ENPP1: variants seen among roughly 807,000 people sequenced by gnomAD.
ENPP1 encodes the protein ectonucleotide pyrophosphatase/phosphodiesterase 1.
A neutral mutation model predicts 122.8 loss-of-function variants in ENPP1; 73 were observed. The observed-to-expected ratio is 0.59, with a 90% CI of 0.49 to 0.72. The LOEUF is 0.72. Among genes scored for constraint, ENPP1 ranks in the 30% least tolerant of loss-of-function variants. The pLI is 0.00. For synonymous variants in ENPP1, 367 were observed against 391.6 expected (o/e 0.94, Z 0.74); for missense variants, 978 against 1,128.1 (o/e 0.87, Z 1.91).
At chr6:131,879,014 A>G (rs899361204) in intron 19 of ENPP1, among the ~76,000 whole-genome samples, 1 of 152,236 alleles carries the variant, frequency 6.6e-6, no homozygotes, top group Non-Finnish European at 1.5e-5. Flanking sequence ...TTGACCAAAA[A>G]TCAAGGATAC....
chr6:131,860,013 C>T (rs73778350), intron 7 of ENPP1, among the ~76,000 whole-genome samples: 4,345 of 152,098 alleles, frequency 0.029, 206 homozygotes, highest in African/African-American at 0.097. Flanking sequence ...CCTTCAGCTC[C>T]CTGCAGGGTT....
Position 131,890,319 on chromosome 6 carries a change from TTTA to T in ENPP1, c.2608-20_2608-18del, listed in dbSNP as rs768023537. ...TGAGTGTTCTCTTGGTAACTTTTCT[TTTA>T]TATTTCCTATTCTCCTAGCATGGGA... On this transcript the variant is annotated intron_variant, in intron 24 of 24. Transcript: ENST00000647893. 197 of 1,608,144 alleles carry T rather than the reference TTTA, an allele frequency of 1.2e-4. No homozygotes were observed. Among genetic ancestry groups the T allele is most frequent in the Middle Eastern group, 5.0e-4 (3 of 6,052 alleles).
At position 131,872,933 on chromosome 6, in the gene ENPP1, C is replaced by G; in HGVS notation, c.1448C>G (p.Pro483Arg). 1 of 1,613,564 alleles carries G rather than the reference C, an allele frequency of 6.2e-7. No homozygotes were observed. Among genetic ancestry groups the G allele is most frequent in the Non-Finnish European group, 8.5e-7 (1 of 1,179,682 alleles). ...GIARNLSCRE[P>R]NQHFKPYLKH... ...TGTTTGCAATTTCAGTGCCGGGAAC[C>G]AAACCAGCACTTCAAACCTTACCTG... The change falls in exon 15 of 25, where the codon CCA (proline) becomes CGA (arginine). Residue 483 changes from proline to arginine, a missense_variant. Pro to Arg is a moderately radical substitution (Grantham distance 103, BLOSUM62 -2). Around this residue, in one of 3 missense-constraint regions of ENPP1, gnomAD observed 644 missense variants for 781.5 expected, o/e 0.82. Transcript: ENST00000647893.
chr6:131,847,763 T>G lies in ENPP1; in HGVS notation c.241-13T>G, dbSNP rs1479445407. ...AAAAAGAAACCATGTAATTTTCTCT[T>G]TTCTCCCTACAGGTATTGTCAGTAT... is the stretch of plus-strand genomic sequence containing the variant. On this transcript the variant is annotated splice_polypyrimidine_tract_variant and intron_variant, in intron 1 of 24. Coordinates refer to ENST00000647893, the MANE Select transcript of ENPP1 (RefSeq NM_006208.3). 1.3e-6 allele frequency: 2 copies of G among 1,583,670 alleles called. No homozygotes were observed. Among genetic ancestry groups the G allele is most frequent in the African/African-American group, 2.7e-5 (2 of 74,342 alleles).
At chr6:131,848,349 T>A (rs1212946821) in intron 2 of ENPP1, among the ~76,000 whole-genome samples, 1 of 152,190 alleles carries the variant, frequency 6.6e-6, no homozygotes, top group Non-Finnish European at 1.5e-5. Flanking sequence ...GACAAGATTA[T>A]AATAAATAAT....
At chr6:131,810,430 C>A (rs754477496) in intron 1 of ENPP1, among the ~76,000 whole-genome samples, 12 of 148,522 alleles carry the variant, frequency 8.1e-5, no homozygotes, top group Non-Finnish European at 1.2e-4. Context: ...TACTTCAATA[C>A]CTTTTTCCCC....
chr6:131,865,443 A>C (rs867086192), intron 11 of ENPP1, among the ~76,000 whole-genome samples: 18 of 152,286 alleles, frequency 1.2e-4, no homozygotes, highest in Middle Eastern at 3.4e-3. Flanking sequence ...TTTGTTGAAT[A>C]TTTCCTAGGA....
chr6:131,817,919 TATTTCAGG>T (rs1781436132), intron 1 of ENPP1, among the ~76,000 whole-genome samples: 2 of 152,288 alleles, frequency 1.3e-5, no homozygotes, highest in South Asian at 4.1e-4. Context: ...TTTCTCACCG[TATTTCAGG>T]ACTTTGCACA....
At chr6:131,878,502 G>A (rs2114722303) in intron 18 of ENPP1, 40 bp from the exon 19 acceptor site, 1 of 1,272,044 alleles carries the variant, frequency 7.9e-7, no homozygotes, top group Non-Finnish European at 1.1e-6. Context: ...TTTAAAACAT[G>A]TCTCTCAGTC....
rs558653604 is a variant in ENPP1, at chr6:131,826,114, A to G, written c.240+17839A>G. 6.1e-6 allele frequency: 5 copies of G among 818,496 alleles called. No homozygotes were observed. In the African/African-American group the frequency reaches 6.7e-5, roughly 11 times the overall value. The allele number at this position is 818,496 out of a possible 1,614,324, so 50.7% of individuals were successfully genotyped here. A position where few individuals can be genotyped will look rare whatever the true frequency, so the allele number is the denominator to read the frequency against. On this transcript the variant is annotated intron_variant, in intron 1 of 24. Transcript: ENST00000647893. Reference sequence around the variant, plus strand: ...TTCCAGTTCAGGAGGAAGTGTTTCCAGGTAATTTCCAATGAACTCCAGATG... The same window carrying G: ...TTCCAGTTCAGGAGGAAGTGTTTCCGGGTAATTTCCAATGAACTCCAGATG...
intron 1 of ENPP1, among the ~76,000 whole-genome samples, chr6:131,832,448 A>G (rs1279437098): frequency 1.3e-5 from 2 of 152,172 alleles, no homozygotes; most frequent in African/African-American, 2.4e-5. Context: ...TGTGCACTTT[A>G]CCTTGGGAAT....
intron 1 of ENPP1, among the ~76,000 whole-genome samples, chr6:131,808,983 T>C (rs1041097496): frequency 1.3e-5 from 2 of 152,226 alleles, no homozygotes; most frequent in Non-Finnish European, 2.9e-5. Context: ...TTGGTTTTTA[T>C]TCTGAATTCA....
At position 131,866,079 on chromosome 6, in the gene ENPP1, G is replaced by A. The variant is rs554376889; in HGVS notation, c.1164+1141G>A. ...TGACTTTCCTTCTGATATATATTTT[G>A]TTGGTGACCTAAGATATGAAAGGAA... On this transcript the variant is annotated intron_variant, in intron 11 of 24. Transcript: ENST00000647893. Among the ~76,000 whole-genome samples, 9 of 151,816 alleles carry A rather than the reference G, an allele frequency of 5.9e-5. No individual in the cohort carries two copies. The South Asian group carries it at 1.5e-3, about 25-fold the overall frequency.
chr6:131,873,200 G>C (rs573518842), intron 15 of ENPP1, 150 bp downstream of exon 15: 285 of 944,718 alleles, frequency 3.0e-4, no homozygotes, highest in Middle Eastern at 1.7e-3. Flanking sequence ...GTCGGCCTAT[G>C]GATGTTTGAG....
At chr6:131,850,264 A>G (rs951828841) in intron 3 of ENPP1, among the ~76,000 whole-genome samples, 158 bp downstream of exon 3, 3 of 152,200 alleles carry the variant, frequency 2.0e-5, no homozygotes, top group Non-Finnish European at 4.4e-5. Context: ...TTTTCTTTCA[A>G]CAGTTCCTTA....
intron 5 of ENPP1, 84 bp from the exon 6 acceptor site, chr6:131,854,842 C>G: frequency 1.1e-6 from 1 of 929,122 alleles, no homozygotes. Context: ...TTCACTGGAC[C>G]TGTGCCAAGA....
chr6:131,877,866 A>AATATATATATATATATATATATATAT (rs35142604), intron 18 of ENPP1: 1 of 53,026 alleles, frequency 1.9e-5, no homozygotes, highest in Non-Finnish European at 3.0e-5. Context: ...AAAAAAAAAA[A>AATATATATATATATATATATATATAT]ATATATATAT....
intron 1 of ENPP1, among the ~76,000 whole-genome samples, chr6:131,814,292 G>A (rs1781390503): frequency 6.6e-6 from 1 of 152,112 alleles, no homozygotes; most frequent in South Asian, 2.1e-4. Context: ...ACAACATGTG[G>A]TAGGACTTCC....
At chr6:131,870,212 T>C (rs1782143830) in intron 13 of ENPP1, among the ~76,000 whole-genome samples, 1 of 152,220 alleles carries the variant, frequency 6.6e-6, no homozygotes, top group Admixed American at 6.5e-5. Context: ...TATTCTGTTG[T>C]GAGGAGGAGT....
Sources: allele counts gnomAD v4.1 joint callset (sites outside exome capture counted in the v4.1 genomes callset), GRCh38; gene constraint gnomAD v4.1.1; regional missense constraint gnomAD v4.1.1; transcripts MANE v1.5; gene names NCBI Gene and HGNC (gene_info 2026-07-23, HGNC 2026-07-21).